The following TRIM5 variants were observed in gnomAD, a reference collection of about 807,000 sequenced individuals.
The protein encoded by TRIM5 is tripartite motif containing 5.
A neutral mutation model predicts 35.6 loss-of-function variants in TRIM5; 31 were observed. That is an observed-to-expected ratio of 0.87 (90% confidence interval 0.65 to 1.18). The LOEUF is 1.18. Among genes scored for constraint, TRIM5 ranks in the 50% most tolerant of loss-of-function variants. TRIM5 has a pLI of 0.00. For missense variants in TRIM5, 609 were observed against 591.6 expected, an observed-to-expected ratio of 1.03 and a Z score of -0.31; for synonymous variants, 243 against 215.6, an observed-to-expected ratio of 1.13 and a Z score of -1.11.
At chr11:5,592,914 C>CAAAAAAA in the TRIM5 span, among the ~76,000 whole-genome samples, 8 of 66,612 alleles carry the variant, frequency 1.2e-4, no homozygotes, top group African/African-American at 4.5e-4. Context: ...GAGATTGTCT[C>CAAAAAAA]AAAAAAAAAA....
chr11:5,678,304 G>T lies in TRIM5; in HGVS notation c.644C>A (p.Thr215Lys). 1 of 1,614,084 alleles carries T rather than the reference G, an allele frequency of 6.2e-7. No homozygotes were observed. The highest frequency in any genetic ancestry group is 2.2e-5 in the East Asian group (1 of 44,880). The change falls in exon 4 of 8, where the codon ACG becomes AAG. Residue 215 changes from threonine (T) to lysine (K), a missense_variant. Transcript: ENST00000380034. ...CTGCACCATCTCAGTTTCAGAGTTC[G>T]TAAGGCTTTTCAGAATGTCTTCCTC... ...KEEEDILKSL[T>K]NSETEMVQQT... is the part of the protein sequence containing the mutation.
chr11:5,614,173 A>G, the TRIM5 span, among the ~76,000 whole-genome samples: 1 of 152,196 alleles, frequency 6.6e-6, no homozygotes, highest in Non-Finnish European at 1.5e-5. Flanking sequence ...CTCTAAAAAT[A>G]CATAATGGAT....
At chr11:5,602,370 G>A in the TRIM5 span, among the ~76,000 whole-genome samples, 17 of 151,988 alleles carry the variant, frequency 1.1e-4, no homozygotes, top group South Asian at 8.3e-4. Context: ...TTGAACCCAG[G>A]AGGCGGAGCT....
chr11:5,664,735 C>T lies in TRIM5; in HGVS notation c.*74G>A, dbSNP rs545246063. ...CAAGGAAAAGATGGTTAAAATGATG[C>T]AAATGAGTTCAGGTGTATGAGATGC... On this transcript the variant is annotated 3_prime_UTR_variant, in exon 8 of 8. Coordinates refer to ENST00000380034, the MANE Select transcript of TRIM5 (RefSeq NM_033034.3). 4.0e-6 allele frequency: 6 copies of T among 1,494,040 alleles called. No homozygotes were observed. Among genetic ancestry groups the T allele is most frequent in the Non-Finnish European group, 5.3e-6 (6 of 1,125,564 alleles). The allele number at this position is 1,494,040 out of a possible 1,614,324, so 92.5% of individuals were successfully genotyped here.
chr11:5,615,671 G>T, the TRIM5 span, among the ~76,000 whole-genome samples: 29,642 of 151,284 alleles, frequency 0.2, 2,999 homozygotes, highest in East Asian at 0.3. Context: ...TTGGCTAACT[G>T]CAACCTCTGC....
At chr11:5,592,163 CT>C in the TRIM5 span, among the ~76,000 whole-genome samples, 2 of 152,244 alleles carry the variant, frequency 1.3e-5, no homozygotes, top group Middle Eastern at 3.4e-3. Context: ...AAGTGACTAG[CT>C]TGATTTTCTT....
the TRIM5 span, chr11:5,634,033 T>A: frequency 8.5e-6 from 8 of 940,542 alleles, no homozygotes; most frequent in Non-Finnish European, 1.2e-5. Flanking sequence ...CTCTGTCCTG[T>A]CCCTGTTGGG....
rs373038975 is a variant in TRIM5, at chr11:5,669,631, GA to G, written c.745-1921del. Among the ~76,000 whole-genome samples, 290 of 152,250 alleles carry G rather than the reference GA, an allele frequency of 1.9e-3. 1 individual carries two copies. Among genetic ancestry groups the G allele is most frequent in the Middle Eastern group, 3.4e-3 (1 of 294 alleles). On this transcript the variant is annotated intron_variant, in intron 4 of 7. Transcript: ENST00000380034. ...ACCAAATAAAACTGGATTAAGTGGT[GA>G]AAAAAACTTTGGAAAGGGTAATTAC...
the TRIM5 span, among the ~76,000 whole-genome samples, chr11:5,609,119 C>T: frequency 6.6e-6 from 1 of 151,904 alleles, no homozygotes; most frequent in South Asian, 2.1e-4. Context: ...TAATTTAGCC[C>T]GGGAATCAAA....
At chr11:5,654,577 C>T in the TRIM5 span, among the ~76,000 whole-genome samples, 1 of 152,110 alleles carries the variant, frequency 6.6e-6, no homozygotes, top group East Asian at 1.9e-4. Context: ...GCATGCTAGT[C>T]TTCGAACACC....
At chr11:5,675,555 T>C (rs1280432184) in intron 4 of TRIM5, among the ~76,000 whole-genome samples, 4 of 152,062 alleles carry the variant, frequency 2.6e-5, no homozygotes, top group Non-Finnish European at 4.4e-5. Flanking sequence ...CTCCTGGGAA[T>C]GCCCCAGAAT....
the TRIM5 span, chr11:5,632,146 A>G: frequency 1.4e-6 from 2 of 1,459,774 alleles, no homozygotes; most frequent in East Asian, 4.6e-5. Context: ...TCTCTTCCTC[A>G]TCTTCTTTGT....
chr11:5,595,808 T>G, the TRIM5 span, among the ~76,000 whole-genome samples: 7 of 151,508 alleles, frequency 4.6e-5, no homozygotes, highest in Admixed American at 4.0e-4. Context: ...TTCTCCTGCC[T>G]CAGCCTCCCG....
the TRIM5 span, among the ~76,000 whole-genome samples, chr11:5,593,561 A>G: frequency 3.9e-5 from 6 of 152,174 alleles, no homozygotes; most frequent in African/African-American, 1.2e-4. Flanking sequence ...GGCTATGAGA[A>G]TATTCTGTGA....
the TRIM5 span, among the ~76,000 whole-genome samples, chr11:5,639,475 T>A: frequency 6.6e-6 from 1 of 151,748 alleles, no homozygotes; most frequent in African/African-American, 2.4e-5. Flanking sequence ...GGTCAGGAGA[T>A]CAAGACCATC....
chr11:5,603,611 A>G, the TRIM5 span: 74 of 1,613,666 alleles, frequency 4.6e-5, no homozygotes, highest in Non-Finnish European at 5.6e-5. Flanking sequence ...TGTGCAGACC[A>G]TGGAGAAAAA....
chr11:5,616,065 CT>C, the TRIM5 span, among the ~76,000 whole-genome samples: 1 of 150,496 alleles, frequency 6.6e-6, no homozygotes, highest in Non-Finnish European at 1.5e-5. Flanking sequence ...ATTCTCCTGC[CT>C]CAGCCTCCCG....
At chr11:5,644,811 A>T in the TRIM5 span, among the ~76,000 whole-genome samples, 1 of 152,122 alleles carries the variant, frequency 6.6e-6, no homozygotes, top group Non-Finnish European at 1.5e-5. Context: ...CTCATGTTGA[A>T]ATGTAATCCC....
At chr11:5,634,910 G>C in the TRIM5 span, 1 of 1,574,326 alleles carries the variant, frequency 6.4e-7, no homozygotes, top group East Asian at 2.3e-5. Context: ...GTTCCCTCCT[G>C]TGTCCTTGCG....
Sources: allele counts gnomAD v4.1 joint callset (sites outside exome capture counted in the v4.1 genomes callset), GRCh38; gene constraint gnomAD v4.1.1; transcripts MANE v1.5; gene names NCBI Gene and HGNC (gene_info 2026-07-23, HGNC 2026-07-21).